The following BICRAL variants were observed in gnomAD, a reference collection of about 807,000 sequenced individuals.
BICRAL encodes the protein BRD4-interacting chromatin-remodeling complex-associated protein-like.
Under a neutral mutation model 91.8 loss-of-function variants are expected in BICRAL, and 8 were observed. The observed-to-expected ratio is 0.09, with a 90% confidence interval of 0.05 to 0.16. The LOEUF is 0.16. Among genes scored for constraint, BICRAL ranks in the 10% least tolerant of loss-of-function variants. BICRAL has a pLI of 1.00. For synonymous variants in BICRAL, 445 were observed against 491.1 expected, an observed-to-expected ratio of 0.91 and a Z score of 1.24; for missense variants, 1,038 against 1,310.9, an observed-to-expected ratio of 0.79 and a Z score of 3.21.
intron 2 of BICRAL, among the ~76,000 whole-genome samples, chr6:42,817,784 AAATAAT>A (rs1261164475): frequency 1.3e-5 from 2 of 151,934 alleles, no homozygotes; most frequent in Non-Finnish European, 2.9e-5. Flanking sequence ...ATTAATACTA[AAATAAT>A]AATAATACTG....
intron 6 of BICRAL, among the ~76,000 whole-genome samples, chr6:42,845,223 T>G (rs1271902920): frequency 9.1e-4 from 80 of 88,222 alleles, no homozygotes; most frequent in African/African-American, 2.2e-3. Flanking sequence ...TTTTTTTTTT[T>G]TTTTTTTTTT....
At chr6:42,843,718 T>C (rs886823341) in intron 6 of BICRAL, among the ~76,000 whole-genome samples, 3 of 152,056 alleles carry the variant, frequency 2.0e-5, no homozygotes, top group Non-Finnish European at 2.9e-5. Flanking sequence ...GACAGCCAAA[T>C]TATATGATAC....
intron 6 of BICRAL, among the ~76,000 whole-genome samples, chr6:42,843,535 A>G (rs1045426139): frequency 6.6e-6 from 1 of 152,182 alleles, no homozygotes; most frequent in Admixed American, 6.6e-5. Context: ...ATTTGAGACA[A>G]CTAGGTTAGA....
chr6:42,798,554 G>C (rs1394527615), intron 1 of BICRAL, among the ~76,000 whole-genome samples: 3 of 152,150 alleles, frequency 2.0e-5, no homozygotes, highest in East Asian at 1.9e-4. Context: ...AAATTAGCCA[G>C]GCGTGGTGGC....
intron 1 of BICRAL, among the ~76,000 whole-genome samples, chr6:42,799,508 A>G (rs1295019369): frequency 6.6e-6 from 1 of 151,216 alleles, no homozygotes. Context: ...GTTAGCCAGG[A>G]TGGTCTTGAT....
rs755557596 is a variant in BICRAL, at chr6:42,862,591, C to T, written c.2431C>T (p.Arg811Cys). 6.2e-7 allele frequency: 1 copy of T among 1,603,342 alleles called. No individual in the cohort carries two copies. Among genetic ancestry groups the T allele is most frequent in the African/African-American group, 1.3e-5 (1 of 74,830 alleles). The stretch of plus-strand genomic sequence containing the variant: ...AAGAGCTTCCCTGTCCCGAGACAAG[C>T]GTTTGGCACTTGTAGACCCTGGTAA... ...EERASLSRDK[R>C]LALVDPEGFQ... The change falls in exon 12 of 13, where the codon CGT becomes TGT. Residue 811 changes from arginine to cysteine, a missense_variant. Around this residue, in one of 5 missense-constraint regions of BICRAL, gnomAD observed 294 missense variants for 292.6 expected, o/e 1.00. Transcript: ENST00000314073.
chr6:42,749,623 A>G (rs565300446), intron 1 of BICRAL, among the ~76,000 whole-genome samples: 61 of 152,320 alleles, frequency 4.0e-4, no homozygotes, highest in Non-Finnish European at 6.9e-4. Context: ...TATTATATGC[A>G]TGTATCAAAA....
intron 1 of BICRAL, 54 bp from the exon 2 acceptor site, chr6:42,810,252 T>G (rs576649230): frequency 6.6e-6 from 1 of 152,346 alleles, no homozygotes; most frequent in East Asian, 1.9e-4. Context: ...TTTGACAGCT[T>G]CTTTTCTCCC....
At chr6:42,842,467 C>G (rs116624896) in intron 6 of BICRAL, among the ~76,000 whole-genome samples, 2,573 of 152,288 alleles carry the variant, frequency 0.017, 23 homozygotes, top group Non-Finnish European at 0.026. Context: ...ACCTGGCAGT[C>G]AGGGTTCTCT....
chr6:42,856,533 C>T (rs1020040562), intron 9 of BICRAL, among the ~76,000 whole-genome samples: 15 of 151,684 alleles, frequency 9.9e-5, no homozygotes, highest in African/African-American at 3.6e-4. Flanking sequence ...CGCCATCACG[C>T]CTGGCTAATT....
chr6:42,801,698 A>G (rs1763576987), intron 1 of BICRAL, among the ~76,000 whole-genome samples: 1 of 152,036 alleles, frequency 6.6e-6, no homozygotes, highest in African/African-American at 2.4e-5. Flanking sequence ...CCTGGCCAAC[A>G]TGGTAAAACC....
Position 42,864,835 on chromosome 6 carries a change from C to G in BICRAL, c.2629C>G (p.Gln877Glu), listed in dbSNP as rs1275704001. The change falls in exon 13 of 13, where the codon CAG (glutamine) becomes GAG (glutamate). Residue 877 changes from glutamine (Q) to glutamate (E), a missense_variant. Transcript: ENST00000314073. ...TGVTEPMNHDQFHLVPNHIVV... is the reference protein window; with the variant it reads ...TGVTEPMNHDEFHLVPNHIVV... ...TGTGACGGAACCCATGAATCATGAC[C>G]AGTTTCATCTAGTGCCTAATCACAT... is the stretch of plus-strand genomic sequence containing the variant. The G allele has an allele frequency of 3.7e-6, 6 of 1,614,066 alleles. No individual in the cohort carries two copies. Among genetic ancestry groups the G allele is most frequent in the Non-Finnish European group, 5.1e-6 (6 of 1,180,038 alleles).
At position 42,865,888 on chromosome 6, in the gene BICRAL, C is replaced by T. The variant is rs1765698283; in HGVS notation, c.*442C>T. 2 of 153,814 alleles carry T rather than the reference C, an allele frequency of 1.3e-5. No individual in the cohort carries two copies. The highest frequency in any genetic ancestry group is 6.5e-5 in the Admixed American group (1 of 15,330). The allele number at this position is 153,814 out of a possible 1,614,324, so 9.5% of individuals were successfully genotyped here. ...AAGCTACTTTTTAAAGAATATCCCACTGCATCTGCAAATTTAGTTTTGGGT... is the reference window on the plus strand; with the variant it reads ...AAGCTACTTTTTAAAGAATATCCCATTGCATCTGCAAATTTAGTTTTGGGT... On this transcript the variant is annotated 3_prime_UTR_variant, in exon 13 of 13. Transcript: ENST00000314073.
chr6:42,811,393 C>T (rs887315280), intron 2 of BICRAL, among the ~76,000 whole-genome samples: 8 of 152,122 alleles, frequency 5.3e-5, no homozygotes, highest in South Asian at 2.1e-4. Context: ...GAGGCCAAGG[C>T]GGGCAGATCA....
intron 10 of BICRAL, among the ~76,000 whole-genome samples, chr6:42,857,600 T>TAAAAAAAAAAAAAAA (rs748078737): frequency 1.2e-4 from 12 of 101,330 alleles, no homozygotes; most frequent in African/African-American, 5.5e-4. Context: ...CACTGTCTCT[T>TAAAAAAAAAAAAAAA]AAAAAAAAAA....
chr6:42,787,191 A>G (rs974847950), intron 1 of BICRAL, among the ~76,000 whole-genome samples: 6 of 151,996 alleles, frequency 3.9e-5, no homozygotes, highest in African/African-American at 1.4e-4. Context: ...CTGTGGAGGG[A>G]GAGGGAGGAA....
chr6:42,782,537 T>G (rs920178267), intron 1 of BICRAL, among the ~76,000 whole-genome samples: 88 of 103,296 alleles, frequency 8.5e-4, no homozygotes, highest in South Asian at 1.7e-3. Flanking sequence ...CTCGGCGGGG[T>G]GGGGGCCCGG....
intron 1 of BICRAL, among the ~76,000 whole-genome samples, chr6:42,807,123 G>A (rs1208769432): frequency 6.6e-6 from 1 of 151,958 alleles, no homozygotes; most frequent in East Asian, 1.9e-4. Context: ...GAGCCACCAT[G>A]CCCAGCCATT....
At chr6:42,768,171 T>A (rs1184600001) in intron 1 of BICRAL, among the ~76,000 whole-genome samples, 4 of 152,162 alleles carry the variant, frequency 2.6e-5, no homozygotes, top group African/African-American at 9.7e-5. Context: ...GAAATTGAGG[T>A]TACTCAAGAA....
Sources: gnomAD v4.1 joint callset for allele counts (sites outside exome capture counted in the v4.1 genomes callset) on GRCh38, gnomAD v4.1.1 for gene constraint, gnomAD v4.1.1 regional missense constraint, MANE v1.5 for transcripts, NCBI Gene and HGNC (gene_info 2026-07-23, HGNC 2026-07-21) for gene names.